The following SLC44A5 variants were observed in gnomAD, a reference collection of about 807,000 sequenced individuals.
SLC44A5 encodes the protein choline transporter-like protein 5.
SLC44A5 carries 57 observed loss-of-function variants against 101.8 expected under a neutral mutation model. That is an observed-to-expected ratio of 0.56 (90% CI 0.45 to 0.70). The LOEUF (loss-of-function observed/expected upper bound fraction) is 0.70. SLC44A5 is among the 30% of genes least tolerant of loss of function. The probability of loss-of-function intolerance (pLI) is 0.00; values close to 1 mark genes in which losing one functional copy is unlikely to be tolerated. For synonymous variants in SLC44A5, 281 were observed against 290.9 expected, an observed-to-expected ratio of 0.97 and a Z score of 0.35; for missense variants, 737 against 853.1, an observed-to-expected ratio of 0.86 and a Z score of 1.70.
chr1:75,314,039 T>C (rs1273722540), intron 4 of SLC44A5, among the ~76,000 whole-genome samples: 1 of 152,184 alleles, frequency 6.6e-6, no homozygotes, highest in African/African-American at 2.4e-5. Flanking sequence ...ATGATGATAT[T>C]AATTTCCCTT....
chr1:75,604,507 C>T (rs1366390660), intron 1 of SLC44A5, among the ~76,000 whole-genome samples: 2 of 151,690 alleles, frequency 1.3e-5, no homozygotes, highest in Non-Finnish European at 3.0e-5. Flanking sequence ...CTCTTTATTA[C>T]TTTATTACTT....
intron 1 of SLC44A5, among the ~76,000 whole-genome samples, chr1:75,604,224 T>C (rs1250470539): frequency 1.3e-5 from 2 of 152,184 alleles, no homozygotes; most frequent in Admixed American, 6.6e-5. Context: ...TTCATTCTTC[T>C]GCATATGGAT....
the SLC44A5 span, among the ~76,000 whole-genome samples, chr1:75,678,074 C>G: frequency 6.6e-6 from 1 of 152,222 alleles, no homozygotes; most frequent in Non-Finnish European, 1.5e-5. Context: ...AAACGGCGCA[C>G]CACGAGATTA....
intron 3 of SLC44A5, among the ~76,000 whole-genome samples, chr1:75,396,024 T>C (rs1406770195): frequency 1.3e-5 from 2 of 152,132 alleles, no homozygotes; most frequent in Non-Finnish European, 2.9e-5. Context: ...CTGAGAATCT[T>C]CTGAAGGTGC....
the SLC44A5 span, among the ~76,000 whole-genome samples, chr1:75,713,009 C>T: frequency 0.22 from 32,943 of 152,096 alleles, 4,517 homozygotes; most frequent in Middle Eastern, 0.36. Context: ...ACGATGACAA[C>T]CTAGACCTTG....
intron 3 of SLC44A5, among the ~76,000 whole-genome samples, chr1:75,346,331 TA>T (rs1658252780): frequency 6.6e-6 from 1 of 152,174 alleles, no homozygotes; most frequent in African/African-American, 2.4e-5. Flanking sequence ...GTTTTTTAAG[TA>T]GTTTGCATCA....
chr1:75,641,647 T>C, the SLC44A5 span: 1 of 1,490,226 alleles, frequency 6.7e-7, no homozygotes, highest in Non-Finnish European at 9.4e-7. Flanking sequence ...AACAAGGAAG[T>C]AAAATAACTT....
At chr1:75,545,163 C>A (rs369995064) in intron 1 of SLC44A5, among the ~76,000 whole-genome samples, 1 of 152,090 alleles carries the variant, frequency 6.6e-6, no homozygotes, top group Non-Finnish European at 1.5e-5. Context: ...CAGTTTCATC[C>A]ATGTCTCTGC....
chr1:75,261,451 C>T (rs779948156), intron 6 of SLC44A5, among the ~76,000 whole-genome samples: 2 of 152,066 alleles, frequency 1.3e-5, no homozygotes. Context: ...CACATACACC[C>T]TCCCAAGACT....
At chr1:75,402,490 G>C (rs570808705) in intron 2 of SLC44A5, 1 of 370,472 alleles carries the variant, frequency 2.7e-6, no homozygotes, top group Non-Finnish European at 5.6e-6. Context: ...GAGGTACCCT[G>C]CTCATCTCAT....
At chr1:75,514,360 A>G (rs1669716484) in intron 2 of SLC44A5, among the ~76,000 whole-genome samples, 1 of 152,186 alleles carries the variant, frequency 6.6e-6, no homozygotes, top group South Asian at 2.1e-4. Flanking sequence ...TGAGAGTGAC[A>G]ACAATTTGTA....
At chr1:75,434,094 C>A (rs982503886) in intron 2 of SLC44A5, among the ~76,000 whole-genome samples, 14 of 152,082 alleles carry the variant, frequency 9.2e-5, no homozygotes, top group Non-Finnish European at 1.8e-4. Context: ...GAGACACAGC[C>A]AAACCACATC....
At chr1:75,634,180 C>T in the SLC44A5 span, among the ~76,000 whole-genome samples, 2 of 152,110 alleles carry the variant, frequency 1.3e-5, no homozygotes, top group Non-Finnish European at 2.9e-5. Flanking sequence ...GTCTAAAATT[C>T]TCTTTTTTGG....
intron 2 of SLC44A5, among the ~76,000 whole-genome samples, chr1:75,499,331 C>G (rs1390012884): frequency 6.6e-6 from 1 of 152,164 alleles, no homozygotes; most frequent in Non-Finnish European, 1.5e-5. Flanking sequence ...AACATAGATC[C>G]CTCGCACGTG....
chr1:75,449,688 G>T (rs1161545462), intron 2 of SLC44A5, among the ~76,000 whole-genome samples: 1 of 152,076 alleles, frequency 6.6e-6, no homozygotes, highest in African/African-American at 2.4e-5. Flanking sequence ...CAAGATAGAG[G>T]ATAAGAGGCT....
intron 1 of SLC44A5, among the ~76,000 whole-genome samples, chr1:75,570,814 T>C (rs1022068863): frequency 2.6e-5 from 4 of 152,180 alleles, no homozygotes; most frequent in African/African-American, 4.8e-5. Flanking sequence ...CTATCTTCTC[T>C]GATCATACTA....
the SLC44A5 span, among the ~76,000 whole-genome samples, chr1:75,637,871 A>T: frequency 6.6e-6 from 1 of 152,028 alleles, no homozygotes; most frequent in African/African-American, 2.4e-5. Context: ...TATCCATGAG[A>T]TCCCCTTAAA....
At chr1:75,450,639 G>C (rs1034356248) in intron 2 of SLC44A5, among the ~76,000 whole-genome samples, 1 of 152,210 alleles carries the variant, frequency 6.6e-6, no homozygotes, top group Admixed American at 6.5e-5. Flanking sequence ...GCCACAGCCA[G>C]CTTGAAGACA....
the SLC44A5 span, among the ~76,000 whole-genome samples, chr1:75,678,932 T>G: frequency 6.6e-6 from 1 of 152,086 alleles, no homozygotes; most frequent in Non-Finnish European, 1.5e-5. Context: ...CTGATGGAGC[T>G]GAAAACGAAG....
Sources: gnomAD v4.1 joint callset for allele counts (sites outside exome capture counted in the v4.1 genomes callset) on GRCh38, gnomAD v4.1.1 for gene constraint, MANE v1.5 for transcripts, NCBI Gene and HGNC (gene_info 2026-07-23, HGNC 2026-07-21) for gene names.